Variants in CROCC2 observed in about 807,000 individuals in gnomAD.
CROCC2 encodes ciliary rootlet coiled-coil, rootletin family member 2.
Under a neutral mutation model 177.6 loss-of-function variants are expected in CROCC2, and 163 were observed. That is an observed-to-expected ratio of 0.92 (90% CI 0.81 to 1.05). The LOEUF (loss-of-function observed/expected upper bound fraction) is 1.05, where lower values mean the gene tolerates loss of function less well. Ranked by LOEUF, CROCC2 falls within the 50% of genes least tolerant of loss-of-function variation. The pLI is 0.00. For missense variants in CROCC2, 1,929 were observed against 1,797.8 expected (o/e 1.07, Z -1.32); for synonymous variants, 904 against 787.3 (o/e 1.15, Z -2.48).
intron 3 of CROCC2, 51 bp downstream of exon 3, chr2:240,920,185 T>C: frequency 1.6e-6 from 1 of 607,116 alleles, no homozygotes; most frequent in Non-Finnish European, 3.0e-6. Flanking sequence ...AGCCTGGCCC[T>C]TCGTGAGGGG....
rs535629941 is a variant in CROCC2, at chr2:240,964,436, G to A, written c.3306-30G>A. On this transcript the variant is annotated intron_variant, in intron 21 of 31. Transcript: ENST00000690015. ...CTGTGCTGGCCCCACCAGGAGGTGC[G>A]GGGGCCCCAGCCTGTGGCACCCTCG... 1.3e-4 allele frequency: 195 copies of A among 1,547,774 alleles called. No individual in the cohort carries two copies. In the African/African-American group the frequency reaches 1.7e-3, roughly 13 times the overall value.
At chr2:240,950,666 C>T (rs1215819886) in intron 18 of CROCC2, 156 bp downstream of exon 18, 3 of 687,644 alleles carry the variant, frequency 4.4e-6, no homozygotes, top group Non-Finnish European at 7.2e-6. Context: ...CGTCCACTCA[C>T]CCACCCACCT....
intron 3 of CROCC2, among the ~76,000 whole-genome samples, chr2:240,921,094 G>A (rs1282686757): frequency 1.3e-5 from 2 of 152,216 alleles, no homozygotes; most frequent in Non-Finnish European, 2.9e-5. Context: ...CTGAACCCCT[G>A]AAGCAGATCT....
chr2:240,973,737 T>C lies in CROCC2; in HGVS notation c.4401+5475T>C, dbSNP rs947943951. 1.3e-5 allele frequency among the ~76,000 whole-genome samples: 2 copies of C among 152,252 alleles called. No individual in the cohort carries two copies. The highest frequency in any genetic ancestry group is 2.9e-5 in the Non-Finnish European group (2 of 68,048). On this transcript the variant is annotated intron_variant, in intron 27 of 31. Transcript: ENST00000690015. This position sits in a 1 kb window ranked among gnomAD's most constrained non-coding sequence, Gnocchi z 4.7. ...CACAGTCAGACTTGATTACTCTCAG[T>C]GTTTTGTCAAGAATTTTTGCATCTG...
intron 23 of CROCC2, 26 bp downstream of exon 23, chr2:240,965,544 G>A (rs2059675884): frequency 6.5e-7 from 1 of 1,550,184 alleles, no homozygotes; most frequent in African/African-American, 1.4e-5. Context: ...GTGGTCAGAA[G>A]GGAAGGAGCT....
At chr2:240,933,606 C>T in intron 10 of CROCC2, 64 bp from the exon 11 acceptor site, 3 of 1,505,054 alleles carry the variant, frequency 2.0e-6, no homozygotes, top group Non-Finnish European at 8.9e-7. Flanking sequence ...CAATGCCCAC[C>T]AAGGCACGCG....
At chr2:240,910,057 A>T (rs915574127) in intron 1 of CROCC2, among the ~76,000 whole-genome samples, 24 of 151,984 alleles carry the variant, frequency 1.6e-4, no homozygotes, top group Non-Finnish European at 5.9e-5. Flanking sequence ...CCTCCTTTGG[A>T]AGCCCCCCAG....
At chr2:240,964,169 A>G (rs2059660876) in intron 21 of CROCC2, 2 of 543,214 alleles carry the variant, frequency 3.7e-6, no homozygotes, top group African/African-American at 1.9e-5. Flanking sequence ...CAGAGGTACC[A>G]GGCTAGGCTG....
chr2:240,934,437 G>A lies in CROCC2; in HGVS notation c.1753G>A (p.Glu585Lys). The change falls in exon 12 of 32, where the codon GAG (glutamate) becomes AAG (lysine). Residue 585 changes from glutamate (E) to lysine (K), a missense_variant. Transcript: ENST00000690015. ...AGCACAGCTGCAGCGGGATGTCGTG[G>A]AGAGTGAGAGGGAGGGACTGCGCAG... ...STAQLQRDVV[E>K]SEREGLRSAL... is the part of the protein sequence containing the mutation. 1 of 1,548,524 alleles carries A rather than the reference G, an allele frequency of 6.5e-7. No individual in the cohort carries two copies. Among genetic ancestry groups the A allele is most frequent in the Non-Finnish European group, 8.7e-7 (1 of 1,146,860 alleles).
Position 240,933,732 on chromosome 2 carries a change from C to CGGA in CROCC2, c.1528_1530dup (p.Glu510dup). The CGGA allele has an allele frequency of 6.5e-7, 1 of 1,550,250 alleles. No individual in the cohort carries two copies. The highest frequency in any genetic ancestry group is 1.2e-5 in the South Asian group (1 of 84,054). On this transcript the variant is annotated inframe_insertion, in exon 11 of 32. Coordinates refer to ENST00000690015, the MANE Select transcript of CROCC2 (RefSeq NM_001351305.2). The stretch of plus-strand genomic sequence containing the variant: ...AAAGGGAAGGCAGATGCTGCAGATG[C>CGGA]GGAGAAGCAGGGGCTGGAGGCCGAG...
At position 240,953,616 on chromosome 2, in the gene CROCC2, A is replaced by G. The variant is rs138913687; in HGVS notation, c.2830-2243A>G. Among the ~76,000 whole-genome samples the G allele has an allele frequency of 6.6e-6, 1 of 152,260 alleles. No homozygotes were observed. Among genetic ancestry groups the G allele is most frequent in the Non-Finnish European group, 1.5e-5 (1 of 68,016 alleles). ...ACCTCTGCTTGGCCAGCTGCCCTTT[A>G]TTCTTGGCGGCCTGTGTAGAGAAAT... On this transcript the variant is annotated intron_variant, in intron 18 of 31. Coordinates refer to ENST00000690015, the MANE Select transcript of CROCC2 (RefSeq NM_001351305.2). The surrounding 1 kb of genome is among the most constrained non-coding windows in gnomAD (Gnocchi z 4.0).
Position 240,927,265 on chromosome 2 carries a change from G to A in CROCC2, c.645+1385G>A, listed in dbSNP as rs761826645. On this transcript the variant is annotated intron_variant, in intron 5 of 31. Transcript: ENST00000690015. Reference sequence around the variant, plus strand: ...TGTTGTTGTGTCGTGTCCCTGTGTTGTGTCTGCGTGTAGATTTATTTGTTT... The same window carrying A: ...TGTTGTTGTGTCGTGTCCCTGTGTTATGTCTGCGTGTAGATTTATTTGTTT... Among the ~76,000 whole-genome samples the A allele has an allele frequency of 2.0e-5, 3 of 152,148 alleles. No homozygotes were observed. The East Asian group carries it at 5.8e-4, about 29-fold the overall frequency.
At chr2:240,987,957 G>A (rs144263738) in intron 28 of CROCC2, among the ~76,000 whole-genome samples, 99 of 152,358 alleles carry the variant, frequency 6.5e-4, no homozygotes, top group Admixed American at 1.5e-3. Flanking sequence ...TGGGGGTGCT[G>A]GAAGCAGGCT....
rs535263253 is a variant in CROCC2, at chr2:240,968,135, G to T, written c.4274G>T (p.Arg1425Leu). 32 of 1,483,354 alleles carry T rather than the reference G, an allele frequency of 2.2e-5. No homozygotes were observed. In the East Asian group the frequency reaches 8.1e-4, roughly 37 times the overall value. The allele number at this position is 1,483,354 out of a possible 1,614,324, so 91.9% of individuals were successfully genotyped here. Residue 1425 changes from arginine (R) to leucine (L), a missense_variant, in exon 27 of 32, where the codon CGC (arginine) becomes CTC (leucine). By Grantham distance (102) the Arg-to-Leu change is moderately radical (BLOSUM62 -2). Transcript: ENST00000690015. ...CACCCTGCTTGCCCCACAGGCCAGC[G>T]CCGGGTGGAGGGCGCGCTGAGCAGC... Reference protein sequence around the residue: ...KALAEAEEGQRRVEGALSSAR... With the variant: ...KALAEAEEGQLRVEGALSSAR...
At position 240,964,751 on chromosome 2, in the gene CROCC2, T is replaced by G. The variant is rs1163120089; in HGVS notation, c.3465+126T>G. The G allele has an allele frequency of 4.1e-6, 5 of 1,215,414 alleles. No individual in the cohort carries two copies. In the African/African-American group the frequency reaches 7.7e-5, roughly 19 times the overall value. The allele number at this position is 1,215,414 out of a possible 1,614,324, so 75.3% of individuals were successfully genotyped here. On this transcript the variant is annotated intron_variant, in intron 22 of 31. Coordinates refer to ENST00000690015, the MANE Select transcript of CROCC2 (RefSeq NM_001351305.2). ...CTTTGAACCACTCTGTCCCCAGACT[T>G]TGGGCCACGCCCTGCTCAGGCTCAC...
In CROCC2 at chr2:240,955,946, G is replaced by A. The variant is rs1351226629; in HGVS notation, c.2917G>A (p.Ala973Thr). ...GACGCTAGAGCGGGTACAGCAGGAG[G>A]CACAGAGCCAGCAGGAGCAAGCGCA... ...RRTLERVQQEAQSQQEQAQAT... is the reference protein window; with the variant it reads ...RRTLERVQQETQSQQEQAQAT... The change falls in exon 19 of 32, where the codon GCA becomes ACA. Residue 973 changes from alanine to threonine, a missense_variant. Ala to Thr is a moderately conservative substitution (Grantham distance 58). Coordinates refer to ENST00000690015, the MANE Select transcript of CROCC2 (RefSeq NM_001351305.2). 27 of 1,534,548 alleles carry A rather than the reference G, an allele frequency of 1.8e-5. No homozygotes were observed. In the Admixed American group the frequency reaches 5.1e-4, roughly 29 times the overall value.
intron 14 of CROCC2, among the ~76,000 whole-genome samples, chr2:240,941,083 C>T (rs765768521): frequency 6.6e-6 from 1 of 151,900 alleles, no homozygotes; most frequent in Non-Finnish European, 1.5e-5. Flanking sequence ...CAACCCCTTT[C>T]ACAATAGATG....
rs2059843812 is a variant in CROCC2 at position 240,986,945 on chromosome 2, A to G, written c.4552-1794A>G. Reference sequence around the variant, plus strand: ...CCCAAGGACTCACTGCCACCTGCAGAAGGCCCCGCAGCCCAGCCTGCCCAG... The same window carrying G: ...CCCAAGGACTCACTGCCACCTGCAGGAGGCCCCGCAGCCCAGCCTGCCCAG... On this transcript the variant is annotated intron_variant, in intron 28 of 31. Coordinates refer to ENST00000690015, the MANE Select transcript of CROCC2 (RefSeq NM_001351305.2). Among the ~76,000 whole-genome samples the G allele has an allele frequency of 1.3e-5, 2 of 152,214 alleles. 1 individual carries two copies. Among genetic ancestry groups the G allele is most frequent in the African/African-American group, 4.8e-5 (2 of 41,452 alleles).
rs568814983 is a variant in CROCC2 at position 240,918,705 on chromosome 2, A to G, written c.79-21A>G. 142 of 542,864 alleles carry G rather than the reference A, an allele frequency of 2.6e-4. No homozygotes were observed. Among genetic ancestry groups the G allele is most frequent in the Non-Finnish European group, 4.3e-4 (128 of 300,878 alleles). 33.6% of individuals were successfully genotyped at this position (542,864 alleles called of 1,614,324 possible). ...CTGTTGGGGGCTGCCATCTCCAGGT[A>G]TCTCTGGGGGTGTCTTTCAGAGACT... On this transcript the variant is annotated intron_variant, in intron 1 of 31. Coordinates refer to ENST00000690015, the MANE Select transcript of CROCC2 (RefSeq NM_001351305.2). This position sits in a 1 kb window ranked among gnomAD's most constrained non-coding sequence, Gnocchi z 6.3.
Sources: gnomAD v4.1 joint callset for allele counts (sites outside exome capture counted in the v4.1 genomes callset) on GRCh38, gnomAD v4.1.1 for gene constraint, Gnocchi (gnomAD v3.1) non-coding constraint, MANE v1.5 for transcripts, NCBI Gene and HGNC (gene_info 2026-07-23, HGNC 2026-07-21) for gene names.